The following RAI2 variants were observed in gnomAD, a reference collection of about 807,000 sequenced individuals.
RAI2 encodes retinoic acid-induced protein 2.
In RAI2, 5 loss-of-function variants were observed where a neutral mutation model predicts 15.3. The observed-to-expected ratio is 0.33, with a 90% CI of 0.17 to 0.69. The LOEUF is 0.69. Among genes scored for constraint, RAI2 ranks in the 30% least tolerant of loss-of-function variants. RAI2 has a pLI of 0.69. For synonymous variants in RAI2, 191 were observed against 184.0 expected (o/e 1.04, Z -0.31); for missense variants, 424 against 424.7 (o/e 1.00, Z 0.01).
intron 1 of RAI2, among the ~76,000 whole-genome samples, chrX:17,815,327 A>G (rs1368152880): frequency 5.4e-3 from 12 of 2,223 alleles, no homozygotes; most frequent in African/African-American, 0.013. Flanking sequence ...ACACGTGCAC[A>G]CACACACACA....
intron 1 of RAI2, among the ~76,000 whole-genome samples, chrX:17,850,959 T>C (rs2147279662): frequency 8.9e-6 from 1 of 112,977 alleles, no homozygotes; most frequent in South Asian, 3.7e-4. Flanking sequence ...TCCACTTCAC[T>C]GTGAGGGGGC....
intron 1 of RAI2, among the ~76,000 whole-genome samples, chrX:17,851,080 C>T (rs944793809): frequency 4.5e-5 from 5 of 112,285 alleles, no homozygotes; most frequent in African/African-American, 1.6e-4. Flanking sequence ...TAAGCTTCAG[C>T]CCTGATGACC....
At chrX:17,836,708 G>A (rs776036760) in intron 1 of RAI2, among the ~76,000 whole-genome samples, 2 of 112,414 alleles carry the variant, frequency 1.8e-5, no homozygotes, top group South Asian at 7.4e-4. Flanking sequence ...TGCAGACAGT[G>A]TCATGGAATT....
intron 1 of RAI2, among the ~76,000 whole-genome samples, chrX:17,836,632 CT>C (rs1478667865): frequency 1.8e-5 from 2 of 112,263 alleles, no homozygotes; most frequent in African/African-American, 6.5e-5. Context: ...GAGTTGGCCC[CT>C]GATCACAAGC....
chrX:17,834,095 T>C (rs1447630979), intron 1 of RAI2, among the ~76,000 whole-genome samples: 2 of 112,041 alleles, frequency 1.8e-5, no homozygotes, highest in East Asian at 2.8e-4. Context: ...AATATCTTTC[T>C]AGCAGCTGTA....
At chrX:17,854,279 C>T (rs1346835723) in intron 1 of RAI2, among the ~76,000 whole-genome samples, 1 of 111,866 alleles carries the variant, frequency 8.9e-6, no homozygotes, top group Admixed American at 9.5e-5. Context: ...TAATAGTAAG[C>T]AAAAGAATTC....
In RAI2 at chrX:17,855,916, G is replaced by T. The variant is rs536304617; in HGVS notation, c.-25+5182C>A. Among the ~76,000 whole-genome samples the T allele has an allele frequency of 3.7e-4, 42 of 112,185 alleles. No homozygotes were observed. In the South Asian group the frequency reaches 0.015, roughly 41 times the overall value. ...TAAGTCACAGAAATCCCATGCATCT[G>T]TTATATTTAATGCACATCCTAATTT... On this transcript the variant is annotated intron_variant, in intron 1 of 1. Transcript: ENST00000451717.
chrX:17,846,944 A>C (rs1203220066), intron 1 of RAI2, among the ~76,000 whole-genome samples: 1 of 111,907 alleles, frequency 8.9e-6, no homozygotes, highest in Non-Finnish European at 1.9e-5. Context: ...ATGGTAGTGA[A>C]TAAGTCTCAA....
intron 1 of RAI2, among the ~76,000 whole-genome samples, chrX:17,846,487 T>C (rs1294859377): frequency 8.9e-6 from 1 of 112,219 alleles, no homozygotes; most frequent in Non-Finnish European, 1.9e-5. Context: ...CGTATGTATT[T>C]GTGAAGTGCA....
chrX:17,818,895 TTCTGTGCCTGC>T (rs1181508278), intron 1 of RAI2, among the ~76,000 whole-genome samples: 13 of 113,035 alleles, frequency 1.2e-4, no homozygotes, highest in Admixed American at 5.6e-4. Flanking sequence ...TCACGGGCTG[TTCTGTGCCTGC>T]CGGCTGCTTA....
At chrX:17,841,984 T>A (rs2067403284) in intron 1 of RAI2, among the ~76,000 whole-genome samples, 1 of 112,005 alleles carries the variant, frequency 8.9e-6, no homozygotes, top group South Asian at 3.7e-4. Context: ...ATTTATGCTG[T>A]CATTAGAAAG....
At chrX:17,856,275 C>T (rs955330885) in intron 1 of RAI2, among the ~76,000 whole-genome samples, 2 of 111,866 alleles carry the variant, frequency 1.8e-5, no homozygotes, top group Non-Finnish European at 3.8e-5. Context: ...TGTGTCTGTC[C>T]CCTCCAAACT....
At chrX:17,854,867 A>G (rs1447601006) in intron 1 of RAI2, among the ~76,000 whole-genome samples, 1 of 112,156 alleles carries the variant, frequency 8.9e-6, no homozygotes, top group Non-Finnish European at 1.9e-5. Context: ...CAAGGGGGTC[A>G]GCCAAGGGTC....
At chrX:17,810,379 T>TGAG (rs1293477220) in intron 1 of RAI2, among the ~76,000 whole-genome samples, 1 of 112,272 alleles carries the variant, frequency 8.9e-6, no homozygotes, top group Non-Finnish European at 1.9e-5. Context: ...GTTTGACAGG[T>TGAG]GAGGAGCTTG....
Position 17,841,824 on chromosome X carries a change from T to A in RAI2, c.-25+19274A>T, listed in dbSNP as rs190285285. ...AGAAGAAGCACAAGAAACAGATTAT[T>A]AAAAAGGCCACTCAATTCTTGGTTA... On this transcript the variant is annotated intron_variant, in intron 1 of 1. Transcript: ENST00000451717. 1.8e-3 allele frequency among the ~76,000 whole-genome samples: 200 copies of A among 112,040 alleles called. 1 individual carries two copies. The highest frequency in any genetic ancestry group is 6.0e-3 in the African/African-American group (186 of 30,808).
At chrX:17,857,569 C>T (rs1035836628) in intron 1 of RAI2, among the ~76,000 whole-genome samples, 3 of 111,368 alleles carry the variant, frequency 2.7e-5, no homozygotes, top group Non-Finnish European at 5.7e-5. Flanking sequence ...TTGCCCATCT[C>T]CCATGGATTT....
intron 1 of RAI2, among the ~76,000 whole-genome samples, chrX:17,834,656 T>G (rs1371199672): frequency 9.0e-6 from 1 of 110,871 alleles, no homozygotes; most frequent in Non-Finnish European, 1.9e-5. Flanking sequence ...AGTTTCATTT[T>G]CTATGGATTC....
intron 1 of RAI2, among the ~76,000 whole-genome samples, chrX:17,854,079 T>C (rs1423621605): frequency 8.9e-6 from 1 of 112,238 alleles, no homozygotes; most frequent in Non-Finnish European, 1.9e-5. Context: ...AAAAACCTTA[T>C]TTTTTTAAAA....
rs1291241988 is a variant in RAI2 at position 17,801,750 on chromosome X, T to C, written c.261A>G (p.Pro87=). Residue 87 remains proline (P), a synonymous_variant, in exon 2 of 2, where the codon CCA becomes CCG. Coordinates refer to ENST00000451717, the MANE Select transcript of RAI2 (RefSeq NM_021785.6). ...VLQPLCLGES[P]VVMPIHMQVE... is the part of the protein sequence containing the mutation. Reference sequence around the variant, plus strand: ...CCTGCATGTGAATGGGCATCACCACTGGGCTCTCCCCGAGGCACAGGGGCT... The same window carrying C: ...CCTGCATGTGAATGGGCATCACCACCGGGCTCTCCCCGAGGCACAGGGGCT... 1 of 1,212,006 alleles carries C rather than the reference T, an allele frequency of 8.3e-7. No individual in the cohort carries two copies. Among genetic ancestry groups the C allele is most frequent in the Non-Finnish European group, 1.1e-6 (1 of 895,559 alleles).
Sources: allele counts gnomAD v4.1 joint callset (sites outside exome capture counted in the v4.1 genomes callset), GRCh38; gene constraint gnomAD v4.1.1; transcripts MANE v1.5; gene names NCBI Gene and HGNC (gene_info 2026-07-23, HGNC 2026-07-21).